Variants in DGKB observed in about 807,000 individuals in gnomAD.
DGKB encodes 90 kDa diacylglycerol kinase.
A neutral mutation model predicts 114.3 loss-of-function variants in DGKB; 67 were observed. That is an observed-to-expected ratio of 0.59 (90% CI 0.48 to 0.72). DGKB has a LOEUF of 0.72. DGKB is among the 30% of genes least tolerant of loss of function. The pLI, the probability that DGKB is intolerant of heterozygous loss-of-function variation, is 0.00. For missense variants in DGKB, 907 were observed against 975.2 expected (o/e 0.93, Z 0.93); for synonymous variants, 398 against 323.1 (o/e 1.23, Z -2.49).
chr7:14,289,351 G>A (rs917340437), intron 23 of DGKB, among the ~76,000 whole-genome samples: 4 of 151,964 alleles, frequency 2.6e-5, no homozygotes, highest in African/African-American at 9.7e-5. Context: ...AAAGTAAAAT[G>A]CTTAAAACCT....
intron 13 of DGKB, among the ~76,000 whole-genome samples, chr7:14,654,037 C>G (rs1815239550): frequency 6.6e-6 from 1 of 151,976 alleles, no homozygotes; most frequent in Admixed American, 6.6e-5. Context: ...CTAGGCAGAG[C>G]AGTTTGGCAA....
chr7:14,723,850 C>G (rs1034738234), intron 5 of DGKB, among the ~76,000 whole-genome samples: 5 of 152,056 alleles, frequency 3.3e-5, no homozygotes, highest in African/African-American at 1.2e-4. Flanking sequence ...CATTTCTAAG[C>G]ACATGATTTT....
At chr7:14,667,126 T>C (rs911147220) in intron 13 of DGKB, among the ~76,000 whole-genome samples, 3 of 152,044 alleles carry the variant, frequency 2.0e-5, no homozygotes, top group Non-Finnish European at 4.4e-5. Context: ...ACCTTGCTAA[T>C]CTCTGGAAAT....
At chr7:14,731,309 C>A (rs6946940) in intron 5 of DGKB, among the ~76,000 whole-genome samples, 121,057 of 152,124 alleles carry the variant, frequency 0.8, 48,486 homozygotes, top group Non-Finnish European at 0.85. Flanking sequence ...AAATACAGTA[C>A]GTAAATATTA....
chr7:14,848,799 A>G (rs779141981), intron 1 of DGKB, among the ~76,000 whole-genome samples: 16 of 152,106 alleles, frequency 1.1e-4, no homozygotes, highest in Non-Finnish European at 2.1e-4. Context: ...GACCCCTTAA[A>G]TGGTCCATAT....
intron 1 of DGKB, among the ~76,000 whole-genome samples, chr7:14,884,291 A>G (rs1024432986): frequency 3.3e-5 from 5 of 151,970 alleles, no homozygotes; most frequent in Non-Finnish European, 5.9e-5. Context: ...TACTATATCC[A>G]TTATTGAAAC....
At chr7:14,736,838 G>C (rs1192864210) in intron 4 of DGKB, among the ~76,000 whole-genome samples, 1 of 152,278 alleles carries the variant, frequency 6.6e-6, no homozygotes, top group South Asian at 2.1e-4. Context: ...AATTGTGGTG[G>C]TGTTAAGGTT....
chr7:14,544,223 C>T (rs1793932253), intron 20 of DGKB, among the ~76,000 whole-genome samples: 1 of 152,076 alleles, frequency 6.6e-6, no homozygotes, highest in Admixed American at 6.6e-5. Flanking sequence ...GAAAAATGTT[C>T]TCGCTTTTGT....
chr7:14,939,289 C>T (rs111535026), intron 1 of DGKB, among the ~76,000 whole-genome samples: 3 of 152,096 alleles, frequency 2.0e-5, no homozygotes, highest in African/African-American at 4.8e-5. Context: ...CAGAGTCTAG[C>T]GCATGCCAAG....
chr7:14,225,964 T>A (rs1057187072), intron 23 of DGKB, among the ~76,000 whole-genome samples: 2 of 152,024 alleles, frequency 1.3e-5, no homozygotes, highest in African/African-American at 4.8e-5. Flanking sequence ...TTGGTAGAAT[T>A]TCTATTTATT....
In DGKB at chr7:14,698,166, G is replaced by C. The variant is rs1824416125; in HGVS notation, c.520C>G (p.Leu174Val). 1 of 1,517,604 alleles carries C rather than the reference G, an allele frequency of 6.6e-7. No individual in the cohort carries two copies. The highest frequency in any genetic ancestry group is 2.4e-5 in the Admixed American group (1 of 41,758). 94.0% of individuals were successfully genotyped at this position (1,517,604 alleles called of 1,614,324 possible). Residue 174 changes from leucine (L) to valine (V), a missense_variant, in exon 8 of 26, where the codon CTA (leucine) becomes GTA (valine). By Grantham distance (32) the Leu-to-Val change is conservative (BLOSUM62 1). Transcript: ENST00000402815. Reference sequence around the variant, plus strand: ...ATCATCTGACTGATGATATTTTCTAGCTCCTGGAAGAGAAAGAGAGATAAA... The same window carrying C: ...ATCATCTGACTGATGATATTTTCTACCTCCTGGAAGAGAAAGAGAGATAAA... The part of the protein sequence containing the change: ...DGNGFLDSSE[L>V]ENIISQMMHV...
intron 13 of DGKB, among the ~76,000 whole-genome samples, chr7:14,640,853 C>A (rs1027325566): frequency 1.3e-5 from 2 of 152,158 alleles, no homozygotes; most frequent in African/African-American, 4.8e-5. Flanking sequence ...ATTACCTTTG[C>A]AAGGTGGAAT....
At chr7:14,931,204 T>C (rs1452101801) in intron 1 of DGKB, among the ~76,000 whole-genome samples, 1 of 151,492 alleles carries the variant, frequency 6.6e-6, no homozygotes, top group Non-Finnish European at 1.5e-5. Context: ...CTCCGCCTCC[T>C]GAGTTCAAGC....
chr7:14,461,322 GTT>G (rs35867012), intron 21 of DGKB, among the ~76,000 whole-genome samples: 52,044 of 145,146 alleles, frequency 0.36, 9,450 homozygotes, highest in South Asian at 0.42. Context: ...TCCAGGAGCT[GTT>G]TTTTTTTTTT....
intron 15 of DGKB, among the ~76,000 whole-genome samples, chr7:14,619,238 T>C (rs1807155642): frequency 6.6e-6 from 1 of 151,514 alleles, no homozygotes; most frequent in Non-Finnish European, 1.5e-5. Flanking sequence ...CTCACAATTT[T>C]AGCTGACACT....
intron 23 of DGKB, among the ~76,000 whole-genome samples, chr7:14,323,290 C>A (rs1033246966): frequency 1.3e-5 from 2 of 152,042 alleles, no homozygotes; most frequent in African/African-American, 4.8e-5. Flanking sequence ...GGCAAGTGAA[C>A]TAGGGGTTTC....
chr7:14,406,341 C>T (rs1184111952), intron 21 of DGKB, among the ~76,000 whole-genome samples: 1 of 151,928 alleles, frequency 6.6e-6, no homozygotes, highest in Non-Finnish European at 1.5e-5. Flanking sequence ...CATTAAGGGT[C>T]AACTACTTTA....
chr7:14,955,040 T>C (rs754349211), intron 1 of DGKB, among the ~76,000 whole-genome samples: 37 of 151,674 alleles, frequency 2.4e-4, no homozygotes, highest in Non-Finnish European at 4.7e-4. Context: ...AGCTAAGGAG[T>C]CTGGAAGAGC....
At chr7:14,207,813 G>A (rs1394603235) in intron 23 of DGKB, among the ~76,000 whole-genome samples, 1 of 151,918 alleles carries the variant, frequency 6.6e-6, no homozygotes, top group Non-Finnish European at 1.5e-5. Context: ...GTATATAAAT[G>A]TGGAACAAAA....
Sources: gnomAD v4.1 joint callset for allele counts (sites outside exome capture counted in the v4.1 genomes callset) on GRCh38, gnomAD v4.1.1 for gene constraint, MANE v1.5 for transcripts, NCBI Gene and HGNC (gene_info 2026-07-23, HGNC 2026-07-21) for gene names.